Variants in EIF3E observed in about 807,000 individuals in gnomAD.
The protein encoded by EIF3E is eIF-3 p48.
EIF3E carries 25 observed loss-of-function variants against 59.3 expected under a neutral mutation model. The observed-to-expected ratio is 0.42, with a 90% CI of 0.31 to 0.59. The LOEUF is 0.59. Ranked by LOEUF, EIF3E falls within the 20% of genes least tolerant of loss-of-function variation. The pLI is 0.15. For missense variants in EIF3E, 317 were observed against 534.3 expected, an observed-to-expected ratio of 0.59 and a Z score of 4.01; for synonymous variants, 176 against 170.2, an observed-to-expected ratio of 1.03 and a Z score of -0.26.
At chr8:108,229,902 A>T (rs1815589840) in intron 5 of EIF3E, among the ~76,000 whole-genome samples, 1 of 152,166 alleles carries the variant, frequency 6.6e-6, no homozygotes, top group Non-Finnish European at 1.5e-5. Flanking sequence ...TTAACCTAAA[A>T]AAAGAGGGGA....
chr8:108,214,509 C>A, intron 10 of EIF3E, 98 bp downstream of exon 10: 2 of 866,274 alleles, frequency 2.3e-6, no homozygotes, highest in Non-Finnish European at 3.3e-6. Context: ...AAATAAAAAT[C>A]CAATTAACTG....
chr8:108,242,761 A>G lies in EIF3E; in HGVS notation c.91-848T>C, dbSNP rs1226089840. The G allele has an allele frequency of 9.4e-6, 7 of 746,986 alleles. No individual in the cohort carries two copies. In the Admixed American group the frequency reaches 3.8e-4, roughly 40 times the overall value. 46.3% of individuals were successfully genotyped at this position (746,986 alleles called of 1,614,324 possible). A position where few individuals can be genotyped will look rare whatever the true frequency, so the allele number is the denominator to read the frequency against. ...CTAAAAGATAGGCACTTCGCAAAAG[A>G]AGACAACCAAATGGCCAACAGACAC... On this transcript the variant is annotated intron_variant, in intron 1 of 12. Coordinates refer to ENST00000220849, the MANE Select transcript of EIF3E (RefSeq NM_001568.3).
chr8:108,238,433 T>C (rs1041354887), intron 3 of EIF3E, among the ~76,000 whole-genome samples: 2 of 152,194 alleles, frequency 1.3e-5, no homozygotes, highest in Non-Finnish European at 2.9e-5. Flanking sequence ...CATCCTCCCA[T>C]CCACTTTAAA....
intron 6 of EIF3E, 84 bp downstream of exon 6, chr8:108,228,986 A>C (rs1815572241): frequency 7.3e-7 from 1 of 1,361,242 alleles, no homozygotes; most frequent in East Asian, 2.6e-5. Flanking sequence ...TTTAATTCCC[A>C]AAATGCATAG....
intron 3 of EIF3E, among the ~76,000 whole-genome samples, chr8:108,237,418 AT>A (rs1370195677): frequency 6.6e-6 from 1 of 152,002 alleles, no homozygotes; most frequent in African/African-American, 2.4e-5. Flanking sequence ...TGCCCAGCTA[AT>A]TTTTGTATTT....
intron 6 of EIF3E, 86 bp downstream of exon 6, chr8:108,228,984 C>T: frequency 3.0e-6 from 4 of 1,348,292 alleles, no homozygotes; most frequent in South Asian, 2.1e-5. Flanking sequence ...TTTTTAATTC[C>T]CAAAATGCAT....
intron 10 of EIF3E, 115 bp from the exon 11 acceptor site, chr8:108,203,618 C>G (rs1459454965): frequency 1.3e-6 from 1 of 787,340 alleles, no homozygotes; most frequent in East Asian, 2.6e-5. Context: ...CTGGATCACC[C>G]TTCTCTTATA....
intron 10 of EIF3E, among the ~76,000 whole-genome samples, chr8:108,211,654 T>A (rs1815212791): frequency 6.6e-6 from 1 of 152,214 alleles, no homozygotes; most frequent in Non-Finnish European, 1.5e-5. Context: ...GGTATTAAAT[T>A]ACTGATTTTT....
intron 10 of EIF3E, among the ~76,000 whole-genome samples, chr8:108,206,633 G>GAC (rs148591843): frequency 2.7e-4 from 41 of 150,796 alleles, no homozygotes; most frequent in African/African-American, 8.3e-4. Flanking sequence ...TGGTCGCACA[G>GAC]ACACACACAC....
chr8:108,246,994 A>G (rs71524764), intron 1 of EIF3E, among the ~76,000 whole-genome samples: 7,274 of 152,278 alleles, frequency 0.048, 328 homozygotes, highest in African/African-American at 0.12. Flanking sequence ...GCGAGAGCTC[A>G]GCGTTCCTAA....
chr8:108,216,289 G>A (rs924043715), intron 9 of EIF3E, 123 bp downstream of exon 9: 3 of 726,902 alleles, frequency 4.1e-6, no homozygotes, highest in Non-Finnish European at 6.6e-6. Context: ...GCCTTTTTAA[G>A]ATTAATAAGC....
chr8:108,235,180 G>T, intron 4 of EIF3E, 78 bp from the exon 5 acceptor site: 3 of 820,734 alleles, frequency 3.7e-6, no homozygotes, highest in Non-Finnish European at 5.4e-6. Context: ...AGTCTTTGAG[G>T]TCAAAACTAT....
chr8:108,210,475 T>C (rs1815185328), intron 10 of EIF3E, among the ~76,000 whole-genome samples: 1 of 152,210 alleles, frequency 6.6e-6, no homozygotes, highest in South Asian at 2.1e-4. Flanking sequence ...CCGTGTAATG[T>C]TTAAAGGTAA....
chr8:108,218,975 G>A (rs1242615123), intron 7 of EIF3E, among the ~76,000 whole-genome samples: 2 of 151,682 alleles, frequency 1.3e-5, no homozygotes, highest in Non-Finnish European at 1.5e-5. Context: ...TAGTAGAGAT[G>A]GGGTTTCACC....
intron 5 of EIF3E, among the ~76,000 whole-genome samples, chr8:108,230,723 T>C (rs868456402): frequency 1.6e-4 from 24 of 152,306 alleles, no homozygotes; most frequent in African/African-American, 5.5e-4. Flanking sequence ...TGCATATTCA[T>C]ACTAACTTTA....
intron 1 of EIF3E, among the ~76,000 whole-genome samples, chr8:108,247,898 C>T (rs1279082440): frequency 6.6e-6 from 1 of 152,070 alleles, no homozygotes; most frequent in African/African-American, 2.4e-5. Flanking sequence ...AAATGAAGTT[C>T]CAGAATTACA....
intron 9 of EIF3E, 118 bp from the exon 10 acceptor site, chr8:108,214,834 C>T: frequency 1.2e-6 from 1 of 824,976 alleles, no homozygotes. Context: ...TATACCACAG[C>T]ACTTTCTAGA....
chr8:108,203,917 A>G (rs919977076), intron 10 of EIF3E, among the ~76,000 whole-genome samples: 1 of 152,106 alleles, frequency 6.6e-6, no homozygotes, highest in African/African-American at 2.4e-5. Context: ...TAGATAGAAA[A>G]TATTTGGGAA....
At chr8:108,202,445 A>G (rs1337446946) in intron 12 of EIF3E, among the ~76,000 whole-genome samples, 1 of 152,056 alleles carries the variant, frequency 6.6e-6, no homozygotes, top group Non-Finnish European at 1.5e-5. Context: ...ACAGTTTAGG[A>G]TTCCAAAATT....
Sources: allele counts gnomAD v4.1 joint callset (sites outside exome capture counted in the v4.1 genomes callset), GRCh38; gene constraint gnomAD v4.1.1; transcripts MANE v1.5; gene names NCBI Gene and HGNC (gene_info 2026-07-23, HGNC 2026-07-21).